Variants in ABCA4 observed in about 807,000 individuals in gnomAD.
ABCA4 encodes the protein retinal-specific phospholipid-transporting ATPase ABCA4.
Under a neutral mutation model 263.7 loss-of-function variants are expected in ABCA4, and 196 were observed. The ratio of observed to expected loss-of-function variants is 0.74; its 90% CI spans 0.66 to 0.84. The LOEUF is 0.84. ABCA4 is among the 40% of genes least tolerant of loss of function. ABCA4 has a pLI of 0.00. For synonymous variants in ABCA4, 1,133 were observed against 1,094.2 expected (o/e 1.04, Z -0.70); for missense variants, 2,792 against 2,855.1 (o/e 0.98, Z 0.50).
intron 7 of ABCA4, 100 bp downstream of exon 7, chr1:94,083,252 C>T (rs1661746134): frequency 4.6e-6 from 5 of 1,090,004 alleles, no homozygotes; most frequent in Non-Finnish European, 4.2e-6. Flanking sequence ...ATGTACTTTT[C>T]CTTGAACAGG....
At chr1:94,077,956 G>T in intron 10 of ABCA4, 69 bp from the exon 11 acceptor site, 2 of 1,489,892 alleles carry the variant, frequency 1.3e-6, no homozygotes, top group Non-Finnish European at 1.9e-6. Context: ...TTGTTCTTCA[G>T]CCATTTCTAA....
Position 94,112,912 on chromosome 1 carries a change from A to G in ABCA4, c.160+61T>C, listed in dbSNP as rs982729790. 5.3e-6 allele frequency: 7 copies of G among 1,317,896 alleles called. No individual in the cohort carries two copies. The African/African-American group carries it at 7.2e-5, about 14-fold the overall frequency. 81.6% of individuals were successfully genotyped at this position (1,317,896 alleles called of 1,614,324 possible). On this transcript the variant is annotated intron_variant, in intron 2 of 49. Transcript: ENST00000370225. ...CACACTCCCACCCCAAGATCTTTCT[A>G]GACAAAAGGCCCAGACCAAAGTCTC...
chr1:94,108,833 C>A, intron 3 of ABCA4, 117 bp from the exon 4 acceptor site: 2 of 1,272,828 alleles, frequency 1.6e-6, no homozygotes, highest in Non-Finnish European at 2.2e-6. Flanking sequence ...AGTGCAGTGG[C>A]GTGATCTCGG....
chr1:94,005,342 T>C (rs546762028), intron 44 of ABCA4, 99 bp downstream of exon 44: 304 of 1,454,892 alleles, frequency 2.1e-4, no homozygotes, highest in Non-Finnish European at 2.4e-4. Context: ...AATGAATGAA[T>C]AGCACGCTTC....
intron 14 of ABCA4, chr1:94,059,735 T>C (rs559824458): frequency 1.9e-4 from 29 of 152,558 alleles, no homozygotes; most frequent in African/African-American, 6.5e-4. Flanking sequence ...GTCTAAAAAT[T>C]ATACCAAATT....
intron 45 of ABCA4, chr1:94,001,371 C>G (rs1659177141): frequency 1.8e-6 from 1 of 569,444 alleles, no homozygotes; most frequent in Non-Finnish European, 3.1e-6. Context: ...CAGAATTCTC[C>G]TCAAAAAAAG....
rs187467479 is a variant in ABCA4, at chr1:94,101,315, C to T, written c.570+1700G>A. Among the ~76,000 whole-genome samples, 577 of 151,510 alleles carry T rather than the reference C, an allele frequency of 3.8e-3. 2 individuals are homozygous for T. Among genetic ancestry groups the T allele is most frequent in the Non-Finnish European group, 6.5e-3 (442 of 67,882 alleles). Reference sequence around the variant, plus strand: ...GAAAGCAAAGGGGAAAATGAGCAATCGGTGCCGACAGCACCCCCTCTGTGG... The same window carrying T: ...GAAAGCAAAGGGGAAAATGAGCAATTGGTGCCGACAGCACCCCCTCTGTGG... On this transcript the variant is annotated intron_variant, in intron 5 of 49. Coordinates refer to ENST00000370225, the MANE Select transcript of ABCA4 (RefSeq NM_000350.3).
chr1:94,021,777 G>A (rs753740616), intron 33 of ABCA4, 63 bp from the exon 34 acceptor site: 103 of 1,605,106 alleles, frequency 6.4e-5, no homozygotes, highest in Non-Finnish European at 8.3e-5. Context: ...TATCACTCAT[G>A]AGAGTTTCTC....
intron 23 of ABCA4, 38 bp from the exon 24 acceptor site, chr1:94,040,165 TC>T (rs1660451227): frequency 6.6e-7 from 1 of 1,525,010 alleles, no homozygotes; most frequent in African/African-American, 1.4e-5. Flanking sequence ...AAGATGCACA[TC>T]CCTTCCATGA....
At chr1:94,044,332 G>T (rs1343428638) in intron 20 of ABCA4, among the ~76,000 whole-genome samples, 1 of 152,160 alleles carries the variant, frequency 6.6e-6, no homozygotes, top group African/African-American at 2.4e-5. Context: ...GCTGCACAAG[G>T]GGCTCGGGGA....
At chr1:94,033,461 A>C (rs535249429) in intron 26 of ABCA4, among the ~76,000 whole-genome samples, 1 of 151,902 alleles carries the variant, frequency 6.6e-6, no homozygotes, top group East Asian at 1.9e-4. Context: ...AACATTTCAC[A>C]GGATTGGTTT....
chr1:94,044,824 A>G, intron 19 of ABCA4, 80 bp from the exon 20 acceptor site: 6 of 1,597,852 alleles, frequency 3.8e-6, no homozygotes, highest in South Asian at 2.2e-5. Context: ...CACCAGGTTC[A>G]GTGAGAACTC....
At chr1:94,097,899 G>C (rs139461296) in intron 6 of ABCA4, among the ~76,000 whole-genome samples, 80 of 152,192 alleles carry the variant, frequency 5.3e-4, no homozygotes, top group African/African-American at 1.7e-3. Context: ...ACAGGCGCCC[G>C]CCACCACACC....
intron 28 of ABCA4, 91 bp downstream of exon 28, chr1:94,030,905 G>T: frequency 6.4e-7 from 1 of 1,560,938 alleles, no homozygotes; most frequent in Non-Finnish European, 8.8e-7. Context: ...GAAGGTCCCA[G>T]TGAAGTGGGA....
chr1:94,077,644 T>C, intron 11 of ABCA4, 46 bp downstream of exon 11: 1 of 1,545,296 alleles, frequency 6.5e-7, no homozygotes, highest in Non-Finnish European at 8.8e-7. Context: ...GCCCCACTCA[T>C]GGGGCTATCT....
chr1:94,051,931 A>G (rs1660852003), intron 16 of ABCA4, among the ~76,000 whole-genome samples: 1 of 152,204 alleles, frequency 6.6e-6, no homozygotes, highest in African/African-American at 2.4e-5. Context: ...AAGACCAATA[A>G]TCTTGGTTGA....
rs1208195953 is a variant in ABCA4 at position 94,008,812 on chromosome 1, C to A, written c.5774G>T (p.Arg1925Ile). The change falls in exon 41 of 50, where the codon AGA (arginine) becomes ATA (isoleucine). Residue 1925 changes from arginine (R) to isoleucine (I), a missense_variant. By Grantham distance (97) the Arg-to-Ile change is moderately conservative (BLOSUM62 -3). Transcript: ENST00000370225. ...ATTTCCACCAGTAATAATTCTTTGT[C>A]TTTCTTCAGCCACATCATCATCTTC... ...VDEDDDVAEE[R>I]QRIITGGNKT... The A allele has an allele frequency of 1.2e-6, 2 of 1,613,686 alleles. No individual in the cohort carries two copies. Among genetic ancestry groups the A allele is most frequent in the Non-Finnish European group, 1.7e-6 (2 of 1,179,974 alleles).
chr1:94,116,989 T>A (rs1190109245), intron 1 of ABCA4, among the ~76,000 whole-genome samples: 1 of 121,234 alleles, frequency 8.2e-6, no homozygotes, highest in Non-Finnish European at 1.8e-5. Context: ...TTTCTTTCTT[T>A]CTTTCTTTCT....
chr1:94,044,018 C>T (rs1433258586), intron 20 of ABCA4, among the ~76,000 whole-genome samples: 1 of 151,154 alleles, frequency 6.6e-6, no homozygotes, highest in Non-Finnish European at 1.5e-5. Flanking sequence ...TTCCCCTTCC[C>T]TTTTCCTCCC....
Sources: gnomAD v4.1 joint callset for allele counts (sites outside exome capture counted in the v4.1 genomes callset) on GRCh38, gnomAD v4.1.1 for gene constraint, MANE v1.5 for transcripts, NCBI Gene and HGNC (gene_info 2026-07-23, HGNC 2026-07-21) for gene names.